The following MSI2 variants were observed in gnomAD, a reference collection of about 807,000 sequenced individuals.
MSI2 encodes RNA-binding protein Musashi homolog 2.
A neutral mutation model predicts 45.6 loss-of-function variants in MSI2; 17 were observed. The ratio of observed to expected loss-of-function variants is 0.37; its 90% CI spans 0.26 to 0.56. The LOEUF is 0.56. Ranked by LOEUF, MSI2 falls within the 20% of genes least tolerant of loss-of-function variation. MSI2 has a pLI of 0.77. For synonymous variants in MSI2, 156 were observed against 158.2 expected (o/e 0.99, Z 0.11); for missense variants, 293 against 444.2 (o/e 0.66, Z 3.06).
chr17:57,592,136 C>A (rs988703138), intron 7 of MSI2, among the ~76,000 whole-genome samples: 26 of 150,160 alleles, frequency 1.7e-4, no homozygotes, highest in African/African-American at 6.4e-4. Flanking sequence ...CGCGCCACTG[C>A]ACTCCAACCT....
At chr17:57,374,890 C>T (rs2083471817) in intron 5 of MSI2, among the ~76,000 whole-genome samples, 2 of 152,176 alleles carry the variant, frequency 1.3e-5, no homozygotes, top group African/African-American at 2.4e-5. Flanking sequence ...AGATGGCAGC[C>T]AGAGCACTAG....
chr17:57,402,283 A>C (rs12940850), intron 6 of MSI2, among the ~76,000 whole-genome samples: 15,279 of 151,444 alleles, frequency 0.1, 972 homozygotes, highest in Non-Finnish European at 0.14. Flanking sequence ...TGTGTATACC[A>C]CCCTCCTCTG....
chr17:57,470,621 G>C (rs1219359903), intron 6 of MSI2, among the ~76,000 whole-genome samples: 1 of 152,148 alleles, frequency 6.6e-6, no homozygotes, highest in Non-Finnish European at 1.5e-5. Flanking sequence ...CAAAAGCTTC[G>C]CCCAGACCTA....
chr17:57,591,529 G>A (rs977576136), intron 7 of MSI2, among the ~76,000 whole-genome samples: 2 of 151,756 alleles, frequency 1.3e-5, no homozygotes, highest in Non-Finnish European at 2.9e-5. Context: ...TTCGAGACCA[G>A]CCTGGGTAAC....
At chr17:57,405,338 G>T (rs1055328459) in intron 6 of MSI2, among the ~76,000 whole-genome samples, 2 of 152,188 alleles carry the variant, frequency 1.3e-5, no homozygotes, top group Admixed American at 6.5e-5. Context: ...GTAGTTGTGT[G>T]CCAATAAAAC....
chr17:57,587,951 A>G (rs1178720976), intron 7 of MSI2, among the ~76,000 whole-genome samples: 1 of 152,166 alleles, frequency 6.6e-6, no homozygotes. Context: ...AGTTTACAGC[A>G]ACCAGCTGCC....
chr17:57,353,863 A>G (rs1247595985), intron 5 of MSI2, among the ~76,000 whole-genome samples: 2 of 152,112 alleles, frequency 1.3e-5, no homozygotes, highest in African/African-American at 4.8e-5. Context: ...GGGGATCAGC[A>G]AACTCTTTTT....
chr17:57,658,491 A>T (rs1911762206), intron 11 of MSI2, among the ~76,000 whole-genome samples: 1 of 152,208 alleles, frequency 6.6e-6, no homozygotes. Flanking sequence ...ATTTATAATA[A>T]TGCTGACAGC....
intron 5 of MSI2, among the ~76,000 whole-genome samples, chr17:57,308,355 C>T (rs1001440204): frequency 2.6e-5 from 4 of 152,136 alleles, no homozygotes; most frequent in African/African-American, 9.7e-5. Context: ...TGCTAGTTCT[C>T]TTCTAAATAT....
chr17:57,582,277 A>G lies in MSI2; in HGVS notation c.455-14591A>G, dbSNP rs576476744. ...TCTCCAAAATTTTTTAATTGTGCAG[A>G]AAAAAAAATTAGCATGCCGCCCCCC... On this transcript the variant is annotated intron_variant, in intron 7 of 13. Coordinates refer to ENST00000284073, the MANE Select transcript of MSI2 (RefSeq NM_138962.4). Among the ~76,000 whole-genome samples, 258 of 151,878 alleles carry G rather than the reference A, an allele frequency of 1.7e-3. 2 individuals carry two copies. Among genetic ancestry groups the G allele is most frequent in the African/African-American group, 5.8e-3 (239 of 41,424 alleles).
chr17:57,413,590 A>G (rs1422333286), intron 6 of MSI2, among the ~76,000 whole-genome samples: 1 of 151,944 alleles, frequency 6.6e-6, no homozygotes, highest in Non-Finnish European at 1.5e-5. Context: ...CTTTATATAT[A>G]TTGATCCACT....
intron 10 of MSI2, chr17:57,630,770 A>G (rs2144619684): frequency 6.6e-6 from 1 of 152,362 alleles, no homozygotes; most frequent in African/African-American, 2.4e-5. Flanking sequence ...GCCCCTCTAG[A>G]ACCAAACTTG....
intron 5 of MSI2, among the ~76,000 whole-genome samples, chr17:57,290,870 A>G (rs1036163549): frequency 6.6e-6 from 1 of 152,200 alleles, no homozygotes; most frequent in African/African-American, 2.4e-5. Flanking sequence ...CCGTGTCATC[A>G]CAAGGAGAAG....
At chr17:57,436,495 C>T (rs1414858186) in intron 6 of MSI2, among the ~76,000 whole-genome samples, 2 of 152,172 alleles carry the variant, frequency 1.3e-5, no homozygotes, top group South Asian at 2.1e-4. Flanking sequence ...AAAACTGATG[C>T]TCTGCTGGGT....
At chr17:57,563,616 T>A (rs2087642184) in intron 7 of MSI2, among the ~76,000 whole-genome samples, 1 of 152,070 alleles carries the variant, frequency 6.6e-6, no homozygotes, top group African/African-American at 2.4e-5. Context: ...TAATCTCCAG[T>A]CCTTCCTAAT....
intron 6 of MSI2, among the ~76,000 whole-genome samples, chr17:57,403,049 C>A (rs1280392770): frequency 6.6e-6 from 1 of 152,128 alleles, no homozygotes; most frequent in African/African-American, 2.4e-5. Flanking sequence ...GAGGGTGAGC[C>A]CTCTTTGCTA....
intron 7 of MSI2, among the ~76,000 whole-genome samples, chr17:57,591,496 G>A (rs1341900199): frequency 6.6e-6 from 1 of 152,186 alleles, no homozygotes; most frequent in East Asian, 1.9e-4. Flanking sequence ...GCTGAGGCAG[G>A]AGGATCGCTT....
intron 8 of MSI2, among the ~76,000 whole-genome samples, chr17:57,597,210 G>A (rs529902110): frequency 6.6e-5 from 10 of 152,174 alleles, no homozygotes; most frequent in South Asian, 4.2e-4. Flanking sequence ...GCTGGGTAGC[G>A]TCCATAGGCA....
At chr17:57,489,454 G>A (rs890174737) in intron 6 of MSI2, among the ~76,000 whole-genome samples, 16 of 152,208 alleles carry the variant, frequency 1.1e-4, no homozygotes, top group African/African-American at 3.6e-4. Flanking sequence ...AGGCAAGGAA[G>A]AAGCAGCCAA....
Sources: gnomAD v4.1 joint callset for allele counts (sites outside exome capture counted in the v4.1 genomes callset) on GRCh38, gnomAD v4.1.1 for gene constraint, MANE v1.5 for transcripts, NCBI Gene and HGNC (gene_info 2026-07-23, HGNC 2026-07-21) for gene names.